Variants in TBC1D32 observed in about 807,000 individuals in gnomAD.
TBC1D32 encodes the protein TBC1 domain family member 32, also known as protein broad-minded.
In TBC1D32, 151 loss-of-function variants were observed where a neutral mutation model predicts 170.3. The ratio of observed to expected loss-of-function variants is 0.89; its 90% CI spans 0.78 to 1.01. The LOEUF is 1.01. TBC1D32 is among the 50% of genes least tolerant of loss of function. TBC1D32 has a pLI of 0.00. For synonymous variants in TBC1D32, 498 were observed against 488.0 expected (o/e 1.02, Z -0.27); for missense variants, 1,464 against 1,457.1 (o/e 1.00, Z -0.08).
intron 31 of TBC1D32, 81 bp from the exon 32 acceptor site, chr6:121,080,971 T>C (rs1324169692): frequency 2.6e-6 from 4 of 1,516,534 alleles, no homozygotes; most frequent in African/African-American, 2.8e-5. Context: ...ATAATTGATA[T>C]ACCATTTATT....
At position 121,159,228 on chromosome 6, in the gene TBC1D32, T is replaced by C. The variant is rs150233000; in HGVS notation, c.2773+782A>G. ...CCATCACATTGTACTGCTATACAATTATCTAATTATTTGAATGCATTCTGT... is the reference window on the plus strand; with the variant it reads ...CCATCACATTGTACTGCTATACAATCATCTAATTATTTGAATGCATTCTGT... On this transcript the variant is annotated intron_variant, in intron 24 of 31. Coordinates refer to ENST00000398212, the MANE Select transcript of TBC1D32 (RefSeq NM_152730.6). 4.0e-3 allele frequency among the ~76,000 whole-genome samples: 613 copies of C among 152,352 alleles called. 7 individuals carry two copies. Among genetic ancestry groups the C allele is most frequent in the Middle Eastern group, 0.01 (3 of 294 alleles).
intron 22 of TBC1D32, among the ~76,000 whole-genome samples, chr6:121,182,207 C>A (rs114087025): frequency 0.012 from 1,878 of 152,030 alleles, 36 homozygotes; most frequent in African/African-American, 0.043. Context: ...ATAGTACTTG[C>A]AAATTCTCTG....
At chr6:121,226,249 A>G (rs1198260103) in intron 20 of TBC1D32, among the ~76,000 whole-genome samples, 1 of 152,142 alleles carries the variant, frequency 6.6e-6, no homozygotes, top group Non-Finnish European at 1.5e-5. Flanking sequence ...AGGACAAAAT[A>G]CACTATTAAA....
chr6:121,197,770 G>C (rs185719620), intron 22 of TBC1D32, among the ~76,000 whole-genome samples: 4 of 152,248 alleles, frequency 2.6e-5, no homozygotes, highest in Admixed American at 1.3e-4. Flanking sequence ...GTGGACTTGT[G>C]ATGGTTAATA....
intron 30 of TBC1D32, among the ~76,000 whole-genome samples, chr6:121,093,489 G>A (rs1034704913): frequency 6.6e-6 from 1 of 152,106 alleles, no homozygotes; most frequent in Admixed American, 6.6e-5. Context: ...GATAACGAAG[G>A]AGAAACAATT....
intron 22 of TBC1D32, among the ~76,000 whole-genome samples, chr6:121,201,445 A>G (rs1583193844): frequency 6.6e-6 from 1 of 151,540 alleles, no homozygotes; most frequent in South Asian, 2.1e-4. Flanking sequence ...AGCTGACAAG[A>G]GCATGAATGT....
intron 24 of TBC1D32, among the ~76,000 whole-genome samples, chr6:121,146,675 C>A (rs75222563): frequency 0.025 from 3,764 of 152,216 alleles, 165 homozygotes; most frequent in East Asian, 0.13. Context: ...TTCTGGGTTA[C>A]ACAGAGAAAC....
At chr6:121,232,155 T>G (rs1795818987) in intron 20 of TBC1D32, among the ~76,000 whole-genome samples, 1 of 152,164 alleles carries the variant, frequency 6.6e-6, no homozygotes. Flanking sequence ...GCTTGCTAAT[T>G]ACCCCAGCAC....
At chr6:121,144,323 C>T (rs1783154903) in intron 24 of TBC1D32, among the ~76,000 whole-genome samples, 1 of 152,082 alleles carries the variant, frequency 6.6e-6, no homozygotes, top group Non-Finnish European at 1.5e-5. Context: ...ATGATCTAAC[C>T]CATGTTTCAG....
intron 2 of TBC1D32, among the ~76,000 whole-genome samples, chr6:121,319,159 G>A (rs907514621): frequency 1.5e-4 from 22 of 151,544 alleles, no homozygotes; most frequent in Admixed American, 1.4e-3. Context: ...GAAATTACGA[G>A]AAAACACAAA....
chr6:121,289,998 T>A (rs150715761), intron 12 of TBC1D32, among the ~76,000 whole-genome samples: 4,984 of 152,172 alleles, frequency 0.033, 193 homozygotes, highest in East Asian at 0.12. Flanking sequence ...AAAAATTAAT[T>A]CAAGGTGGAT....
intron 26 of TBC1D32, 133 bp downstream of exon 26, chr6:121,126,245 G>A (rs1780831787): frequency 1.7e-6 from 1 of 578,358 alleles, no homozygotes; most frequent in African/African-American, 1.9e-5. Flanking sequence ...AATGATATCT[G>A]GAATGTATAT....
chr6:121,220,326 T>C (rs193221562), intron 21 of TBC1D32, among the ~76,000 whole-genome samples: 3 of 152,268 alleles, frequency 2.0e-5, no homozygotes, highest in Admixed American at 6.5e-5. Flanking sequence ...GAAACAAACT[T>C]ATTACTGATA....
intron 22 of TBC1D32, among the ~76,000 whole-genome samples, chr6:121,199,509 T>A (rs1279011261): frequency 1.3e-5 from 2 of 151,324 alleles, no homozygotes; most frequent in Non-Finnish European, 2.9e-5. Flanking sequence ...TTCTTGAATT[T>A]TTCTATGTAA....
At chr6:121,249,001 G>C (rs1356122754) in intron 17 of TBC1D32, among the ~76,000 whole-genome samples, 4 of 151,624 alleles carry the variant, frequency 2.6e-5, no homozygotes, top group African/African-American at 9.7e-5. Context: ...AACATAAAAA[G>C]AAAACTACAG....
intron 30 of TBC1D32, among the ~76,000 whole-genome samples, chr6:121,095,107 G>T (rs1777248438): frequency 6.6e-6 from 1 of 152,098 alleles, no homozygotes; most frequent in Admixed American, 6.6e-5. Context: ...AATGAATTTT[G>T]TTTTATGGTA....
rs541075633 is a variant in TBC1D32 at position 121,094,819 on chromosome 6, C to CT, written c.3466-3779dup. ...CATGGACATTTGCAGTGTTTCTAGT[C>CT]TTTAGATACTATAAAGAATACTATA... On this transcript the variant is annotated intron_variant, in intron 30 of 31. Transcript: ENST00000398212. Among the ~76,000 whole-genome samples, 223 of 152,160 alleles carry CT rather than the reference C, an allele frequency of 1.5e-3. 1 individual carries two copies. The highest frequency in any genetic ancestry group is 2.6e-3 in the Non-Finnish European group (179 of 67,980).
rs931870190 is a variant in TBC1D32 at position 121,190,764 on chromosome 6, T to C, written c.2570+14311A>G. On this transcript the variant is annotated intron_variant, in intron 22 of 31. Coordinates refer to ENST00000398212, the MANE Select transcript of TBC1D32 (RefSeq NM_152730.6). Reference sequence around the variant, plus strand: ...AAAATATTATCACATCATTAATGTGTGGAGGCAGGCGTTTGTCTGGGGTAA... The same window carrying C: ...AAAATATTATCACATCATTAATGTGCGGAGGCAGGCGTTTGTCTGGGGTAA... Among the ~76,000 whole-genome samples, 4 of 152,166 alleles carry C rather than the reference T, an allele frequency of 2.6e-5. No individual in the cohort carries two copies. The East Asian group carries it at 7.7e-4, about 29-fold the overall frequency.
intron 12 of TBC1D32, among the ~76,000 whole-genome samples, chr6:121,288,224 T>C (rs1451162311): frequency 6.6e-6 from 1 of 152,124 alleles, no homozygotes; most frequent in Non-Finnish European, 1.5e-5. Flanking sequence ...GCTGGTTTTT[T>C]GAAAAGATCA....
Sources: allele counts gnomAD v4.1 joint callset (sites outside exome capture counted in the v4.1 genomes callset), GRCh38; gene constraint gnomAD v4.1.1; transcripts MANE v1.5; gene names NCBI Gene and HGNC (gene_info 2026-07-23, HGNC 2026-07-21).